HSPA4: variants seen among roughly 807,000 people sequenced by gnomAD.
The protein encoded by HSPA4 is heat shock protein family A (Hsp70) member 4.
A neutral mutation model predicts 106.2 loss-of-function variants in HSPA4; 25 were observed. The observed-to-expected ratio is 0.24, with a 90% CI of 0.17 to 0.33. The LOEUF is 0.33. Ranked by LOEUF, HSPA4 falls within the 10% of genes least tolerant of loss-of-function variation. HSPA4 has a pLI of 1.00. For missense variants in HSPA4, 841 were observed against 996.0 expected (o/e 0.84, Z 2.10); for synonymous variants, 332 against 333.6 (o/e 1.00, Z 0.05).
chr5:133,069,254 A>T (rs926992227), intron 3 of HSPA4, among the ~76,000 whole-genome samples: 22 of 146,276 alleles, frequency 1.5e-4, no homozygotes, highest in South Asian at 2.2e-4. Flanking sequence ...CTTATTTAAA[A>T]TTTTTTTTTT....
rs57230598 is a variant in HSPA4, at chr5:133,092,806, G to GTTT, written c.1650+47_1650+49dup. 805 of 473,286 alleles carry GTTT rather than the reference G, an allele frequency of 1.7e-3. 10 individuals are homozygous for GTTT. The highest frequency in any genetic ancestry group is 8.1e-3 in the African/African-American group (228 of 28,102). 29.3% of individuals were successfully genotyped at this position (473,286 alleles called of 1,614,324 possible). On this transcript the variant is annotated intron_variant, in intron 13 of 18. Coordinates refer to ENST00000304858, the MANE Select transcript of HSPA4 (RefSeq NM_002154.4). Reference sequence around the variant, plus strand: ...GAAATGGAGGTATGCATTGGGTGGTGTTTTTTTTTTTTTTTTTTTTTTTTT... The same window carrying GTTT: ...GAAATGGAGGTATGCATTGGGTGGTGTTTTTTTTTTTTTTTTTTTTTTTTTTTT...
At chr5:133,097,405 TG>T (rs200364685) in intron 15 of HSPA4, 119 bp downstream of exon 15, 186 of 770,772 alleles carry the variant, frequency 2.4e-4, no homozygotes, top group Middle Eastern at 7.7e-4. Context: ...GGAGTTTTTC[TG>T]GGGGGGGCAA....
At chr5:133,088,707 A>G (rs1349589504) in intron 9 of HSPA4, 152 bp downstream of exon 9, 1 of 652,286 alleles carries the variant, frequency 1.5e-6, no homozygotes. Context: ...TGATGTTCCT[A>G]AAAATAATTG....
intron 3 of HSPA4, 22 bp from the exon 4 acceptor site, chr5:133,070,351 GC>G (rs769777827): frequency 1.9e-6 from 3 of 1,603,282 alleles, no homozygotes; most frequent in Non-Finnish European, 2.5e-6. Flanking sequence ...ATAAGTCTAG[GC>G]CCCTTTGTTG....
At chr5:133,093,537 C>CCT (rs1367618394) in intron 13 of HSPA4, among the ~76,000 whole-genome samples, 2 of 152,132 alleles carry the variant, frequency 1.3e-5, no homozygotes, top group Non-Finnish European at 2.9e-5. Context: ...GTCGCCCAGG[C>CCT]TGGAGTACAG....
intron 1 of HSPA4, among the ~76,000 whole-genome samples, chr5:133,053,262 G>A (rs1363913290): frequency 6.7e-6 from 1 of 149,438 alleles, no homozygotes; most frequent in African/African-American, 2.5e-5. Flanking sequence ...ATTTTAATCC[G>A]TTGTCGTGTT....
chr5:133,078,114 C>T (rs1015036254), intron 7 of HSPA4, among the ~76,000 whole-genome samples: 33 of 150,966 alleles, frequency 2.2e-4, no homozygotes, highest in Non-Finnish European at 3.8e-4. Flanking sequence ...AGGCGGATCA[C>T]GAGGTCAGGA....
intron 7 of HSPA4, among the ~76,000 whole-genome samples, chr5:133,085,402 C>G (rs1765564935): frequency 6.6e-6 from 1 of 150,750 alleles, no homozygotes; most frequent in African/African-American, 2.5e-5. Context: ...CCTGTAATCT[C>G]AGCACTTTGG....
intron 5 of HSPA4, 91 bp downstream of exon 5, chr5:133,073,420 C>T (rs747954948): frequency 6.2e-6 from 5 of 801,002 alleles, no homozygotes; most frequent in Non-Finnish European, 1.0e-5. Flanking sequence ...CTTTATTTTG[C>T]TTTCAGCACT....
Position 133,052,161 on chromosome 5 carries a change from G to A in HSPA4, c.-90G>A. On this transcript the variant is annotated 5_prime_UTR_variant, in exon 1 of 19. Transcript: ENST00000304858. The stretch of plus-strand genomic sequence containing the variant: ...GCCCCTCAGTAGCCTCGGCCCAAGA[G>A]GCCTGCTTTCCACTCGCTAGCCCCG... The A allele has an allele frequency of 1.2e-6, 1 of 861,656 alleles. No homozygotes were observed. The highest frequency in any genetic ancestry group is 1.8e-6 in the Non-Finnish European group (1 of 543,688). The allele number at this position is 861,656 out of a possible 1,614,324, so 53.4% of individuals were successfully genotyped here. A position where few individuals can be genotyped will look rare whatever the true frequency, so the allele number is the denominator to read the frequency against.
Position 133,105,097 on chromosome 5 carries a change from G to A in HSPA4, c.*661G>A, listed in dbSNP as rs1233065667. The A allele has an allele frequency of 6.6e-6, 1 of 152,176 alleles. No individual in the cohort carries two copies. Among genetic ancestry groups the A allele is most frequent in the Non-Finnish European group, 1.5e-5 (1 of 68,056 alleles). The allele number at this position is 152,176 out of a possible 1,614,324, so 9.4% of individuals were successfully genotyped here. ...TTAACTGAGGGCTTTAAACCTGGAG[G>A]CTCTTCCTGAAAGTATGTTCATGAA... On this transcript the variant is annotated 3_prime_UTR_variant, in exon 19 of 19. Transcript: ENST00000304858.
intron 16 of HSPA4, 157 bp from the exon 17 acceptor site, chr5:133,101,602 C>G: frequency 1.6e-6 from 1 of 637,106 alleles, no homozygotes; most frequent in African/African-American, 1.9e-5. Flanking sequence ...TCATTCCCCT[C>G]CTGAAGTAGC....
intron 2 of HSPA4, among the ~76,000 whole-genome samples, chr5:133,066,597 G>C (rs188932702): frequency 1.3e-5 from 2 of 151,966 alleles, no homozygotes; most frequent in African/African-American, 4.8e-5. Context: ...TAACCATTTA[G>C]GCTGTTTCTA....
Position 133,089,693 on chromosome 5 carries a change from T to C in HSPA4, c.1376T>C (p.Ile459Thr). The change falls in exon 11 of 19, where the codon ATA becomes ACA. Residue 459 changes from isoleucine (I) to threonine (T), a missense_variant and splice_region_variant. Coordinates refer to ENST00000304858, the MANE Select transcript of HSPA4 (RefSeq NM_002154.4). The part of the protein sequence containing the change: ...PQDLPYPDPA[I>T]AQFSVQKVTP... Reference sequence around the variant, plus strand: ...GATTTGCCCTATCCAGATCCTGCTATAGGTAAGTAAAGAGTTGGAAATTAA... The same window carrying C: ...GATTTGCCCTATCCAGATCCTGCTACAGGTAAGTAAAGAGTTGGAAATTAA... The C allele has an allele frequency of 6.4e-7, 1 of 1,562,200 alleles. No homozygotes were observed. Among genetic ancestry groups the C allele is most frequent in the Non-Finnish European group, 8.6e-7 (1 of 1,156,764 alleles).
chr5:133,105,686 A>C lies in HSPA4; in HGVS notation c.*1250A>C, dbSNP rs1765848408. 1 of 152,148 alleles carries C rather than the reference A, an allele frequency of 6.6e-6. No homozygotes were observed. The highest frequency in any genetic ancestry group is 2.4e-5 in the African/African-American group (1 of 41,424). 9.4% of individuals were successfully genotyped at this position (152,148 alleles called of 1,614,324 possible). On this transcript the variant is annotated 3_prime_UTR_variant, in exon 19 of 19. Coordinates refer to ENST00000304858, the MANE Select transcript of HSPA4 (RefSeq NM_002154.4). ...TACAGGGCTTGTTGGTAATGTTTTGAATCTTTGTAAAAATTGATATTCTGT... is the reference window on the plus strand; with the variant it reads ...TACAGGGCTTGTTGGTAATGTTTTGCATCTTTGTAAAAATTGATATTCTGT...
intron 1 of HSPA4, chr5:133,052,823 G>GC (rs1765098989): frequency 6.5e-6 from 1 of 153,450 alleles, no homozygotes; most frequent in Non-Finnish European, 1.5e-5. Context: ...AGACCGTGGA[G>GC]CGGTCAGCGT....
chr5:133,063,350 C>T (rs1436105738), intron 1 of HSPA4, among the ~76,000 whole-genome samples: 6 of 151,386 alleles, frequency 4.0e-5, no homozygotes, highest in Non-Finnish European at 8.8e-5. Context: ...AATTCCTGTA[C>T]TCAAATGATC....
intron 12 of HSPA4, among the ~76,000 whole-genome samples, chr5:133,091,849 G>A (rs1765651149): frequency 6.6e-6 from 1 of 151,766 alleles, no homozygotes; most frequent in Non-Finnish European, 1.5e-5. Flanking sequence ...AACAAAGTGA[G>A]ACCCTCATCT....
intron 1 of HSPA4, among the ~76,000 whole-genome samples, chr5:133,053,288 G>T (rs1026449934): frequency 6.9e-6 from 1 of 144,950 alleles, no homozygotes; most frequent in Admixed American, 6.8e-5. Context: ...ACAAAATCTT[G>T]TAAGAAGTTC....
Sources: allele counts gnomAD v4.1 joint callset (sites outside exome capture counted in the v4.1 genomes callset), GRCh38; gene constraint gnomAD v4.1.1; transcripts MANE v1.5; gene names NCBI Gene and HGNC (gene_info 2026-07-23, HGNC 2026-07-21).